ATG7: variants seen among roughly 807,000 people sequenced by gnomAD.
ATG7 encodes ubiquitin-like modifier-activating enzyme ATG7.
A neutral mutation model predicts 82.4 loss-of-function variants in ATG7; 70 were observed. The observed-to-expected ratio is 0.85, with a 90% CI of 0.70 to 1.04. ATG7 has a LOEUF of 1.04. Ranked by LOEUF, ATG7 falls within the 50% of genes least tolerant of loss-of-function variation. The pLI is 0.00. For missense variants in ATG7, 792 were observed against 864.3 expected (o/e 0.92, Z 1.05); for synonymous variants, 287 against 313.0 (o/e 0.92, Z 0.88).
At chr3:11,521,844 G>A (rs1176175481) in intron 20 of ATG7, among the ~76,000 whole-genome samples, 3 of 151,778 alleles carry the variant, frequency 2.0e-5, no homozygotes, top group Admixed American at 2.0e-4. Flanking sequence ...GAGCCACCAC[G>A]CCCGGCCCCA....
At chr3:11,553,808 C>T (rs772906508) in intron 20 of ATG7, among the ~76,000 whole-genome samples, 3 of 152,210 alleles carry the variant, frequency 2.0e-5, no homozygotes, top group Non-Finnish European at 4.4e-5. Context: ...TTTTCGACAT[C>T]CTCGACTTTG....
intron 5 of ATG7, among the ~76,000 whole-genome samples, chr3:11,302,135 C>A (rs934415955): frequency 1.5e-4 from 23 of 152,298 alleles, no homozygotes; most frequent in African/African-American, 5.5e-4. Context: ...AAGATGTGGT[C>A]CCCATTGTGT....
chr3:11,468,695 A>G (rs2087090242), intron 20 of ATG7, among the ~76,000 whole-genome samples: 1 of 152,116 alleles, frequency 6.6e-6, no homozygotes, highest in Non-Finnish European at 1.5e-5. Flanking sequence ...CTGTTCCTCT[A>G]AATGCCTGTG....
rs988827394 is a variant in ATG7, at chr3:11,554,967, G to A, written c.*124G>A. The A allele has an allele frequency of 3.9e-6, 5 of 1,276,000 alleles. No individual in the cohort carries two copies. The highest frequency in any genetic ancestry group is 4.8e-5 in the Admixed American group (2 of 41,470). 79.0% of individuals were successfully genotyped at this position (1,276,000 alleles called of 1,614,324 possible). ...CCCCTCCTCCATACCCCGAGGTCTGGGATTCCCCCCTCTGCTGCCCAGGAG... is the reference window on the plus strand; with the variant it reads ...CCCCTCCTCCATACCCCGAGGTCTGAGATTCCCCCCTCTGCTGCCCAGGAG... On this transcript the variant is annotated 3_prime_UTR_variant, in exon 21 of 21. Transcript: ENST00000693202.
chr3:11,534,077 T>C (rs952797576), intron 20 of ATG7, among the ~76,000 whole-genome samples: 2 of 150,900 alleles, frequency 1.3e-5, no homozygotes, highest in Admixed American at 1.3e-4. Context: ...AGCCTCCTCC[T>C]CCCCCCCCAG....
intron 11 of ATG7, among the ~76,000 whole-genome samples, chr3:11,335,350 C>T (rs1952281263): frequency 6.6e-6 from 1 of 152,052 alleles, no homozygotes; most frequent in African/African-American, 2.4e-5. Context: ...TTGGACCACA[C>T]ATAAAATACA....
chr3:11,319,766 C>T (rs1949962973), intron 9 of ATG7, among the ~76,000 whole-genome samples: 1 of 152,198 alleles, frequency 6.6e-6, no homozygotes, highest in Non-Finnish European at 1.5e-5. Flanking sequence ...CTTCCCCCTA[C>T]CACCCCTGTG....
intron 9 of ATG7, among the ~76,000 whole-genome samples, chr3:11,331,056 C>T (rs1274936282): frequency 1.3e-5 from 2 of 152,138 alleles, no homozygotes; most frequent in African/African-American, 4.8e-5. Flanking sequence ...ATCTTCCTTC[C>T]AGTCTTTTTT....
At chr3:11,485,561 C>G (rs1559723212) in intron 20 of ATG7, among the ~76,000 whole-genome samples, 1 of 152,144 alleles carries the variant, frequency 6.6e-6, no homozygotes, top group Non-Finnish European at 1.5e-5. Context: ...TCCCATTTGT[C>G]TATTTTGGCT....
chr3:11,341,841 G>A (rs745983242), intron 12 of ATG7, among the ~76,000 whole-genome samples: 39 of 152,158 alleles, frequency 2.6e-4, no homozygotes, highest in Non-Finnish European at 1.3e-4. Flanking sequence ...ATCAGATGGT[G>A]TGTTTTTATT....
At chr3:11,468,362 G>T (rs2153009741) in intron 20 of ATG7, among the ~76,000 whole-genome samples, 1 of 152,218 alleles carries the variant, frequency 6.6e-6, no homozygotes, top group Non-Finnish European at 1.5e-5. Context: ...AAGAACTGAT[G>T]GCTTTTTCCA....
At chr3:11,346,049 G>C (rs1217642345) in intron 13 of ATG7, among the ~76,000 whole-genome samples, 1 of 152,160 alleles carries the variant, frequency 6.6e-6, no homozygotes, top group Non-Finnish European at 1.5e-5. Flanking sequence ...AATGATGCCT[G>C]TCTATGAGGC....
At chr3:11,385,003 G>T (rs2078206670) in intron 19 of ATG7, among the ~76,000 whole-genome samples, 1 of 151,792 alleles carries the variant, frequency 6.6e-6, no homozygotes, top group Non-Finnish European at 1.5e-5. Context: ...CAACTTAGCT[G>T]CTTAAATAGT....
At chr3:11,525,520 C>T (rs1284142987) in intron 20 of ATG7, among the ~76,000 whole-genome samples, 1 of 146,190 alleles carries the variant, frequency 6.8e-6, no homozygotes, top group Non-Finnish European at 1.5e-5. Flanking sequence ...TTGATTAACA[C>T]CTTTTACACA....
intron 20 of ATG7, among the ~76,000 whole-genome samples, chr3:11,508,489 CTG>C (rs1559773313): frequency 1.3e-5 from 2 of 152,184 alleles, no homozygotes; most frequent in Non-Finnish European, 2.9e-5. Flanking sequence ...GAGTCTTGCT[CTG>C]TGGCCCAGGC....
At chr3:11,315,528 G>GT (rs1193573352) in intron 9 of ATG7, 35 bp downstream of exon 9, 1 of 1,500,420 alleles carries the variant, frequency 6.7e-7, no homozygotes, top group Non-Finnish European at 8.9e-7. Context: ...TTATTATATA[G>GT]TTTTTTAAAA....
the ATG7 span, among the ~76,000 whole-genome samples, chr3:11,563,097 A>G: frequency 9.8e-5 from 15 of 152,340 alleles, no homozygotes; most frequent in Admixed American, 9.8e-4. Context: ...TCAAGGAAAT[A>G]AATCATCCAA....
rs75997856 is a variant in ATG7 at position 11,373,639 on chromosome 3, T to C, written c.1876-6333T>C. Among the ~76,000 whole-genome samples the C allele has an allele frequency of 6.7e-3, 1,023 of 152,282 alleles. 16 individuals carry two copies. Among genetic ancestry groups the C allele is most frequent in the African/African-American group, 0.023 (974 of 41,552 alleles). ...CTAAGTAGGAAGGTCACGGTGAATTTTTCTCCACCCAAGCAAAGGACAAAT... is the reference window on the plus strand; with the variant it reads ...CTAAGTAGGAAGGTCACGGTGAATTCTTCTCCACCCAAGCAAAGGACAAAT... On this transcript the variant is annotated intron_variant, in intron 18 of 20. Transcript: ENST00000693202.
intron 14 of ATG7, among the ~76,000 whole-genome samples, chr3:11,349,479 G>T (rs748604437): frequency 1.3e-5 from 2 of 152,158 alleles, no homozygotes; most frequent in Non-Finnish European, 2.9e-5. Context: ...CAAGGCTGCA[G>T]ATTTTGAGCT....
Sources: gnomAD v4.1 joint callset for allele counts (sites outside exome capture counted in the v4.1 genomes callset) on GRCh38, gnomAD v4.1.1 for gene constraint, MANE v1.5 for transcripts, NCBI Gene and HGNC (gene_info 2026-07-23, HGNC 2026-07-21) for gene names.